The following PRICKLE2 variants were observed in gnomAD, a reference collection of about 807,000 sequenced individuals.
PRICKLE2 encodes prickle-like protein 2.
In PRICKLE2, 21 loss-of-function variants were observed where a neutral mutation model predicts 81.4. The observed-to-expected ratio is 0.26, with a 90% CI of 0.18 to 0.37. PRICKLE2 has a LOEUF of 0.37. Ranked by LOEUF, PRICKLE2 falls within the 10% of genes least tolerant of loss-of-function variation. The pLI, the probability that PRICKLE2 is intolerant of heterozygous loss-of-function variation, is 1.00. For synonymous variants in PRICKLE2, 456 were observed against 421.5 expected, an observed-to-expected ratio of 1.08 and a Z score of -1.00; for missense variants, 940 against 1,109.0, an observed-to-expected ratio of 0.85 and a Z score of 2.16.
At chr3:64,168,900 A>T (rs2077883748) in intron 2 of PRICKLE2, among the ~76,000 whole-genome samples, 1 of 152,236 alleles carries the variant, frequency 6.6e-6, no homozygotes, top group Non-Finnish European at 1.5e-5. Flanking sequence ...ACAGACAGTA[A>T]GTGAAAAATC....
intron 2 of PRICKLE2, chr3:64,164,037 C>T (rs1250401456): frequency 6.6e-6 from 1 of 151,930 alleles, no homozygotes; most frequent in Non-Finnish European, 1.5e-5. Flanking sequence ...ACAAGGCATT[C>T]ATTCAACAAA....
intron 2 of PRICKLE2, among the ~76,000 whole-genome samples, chr3:64,240,060 C>A (rs1048164898): frequency 6.6e-6 from 1 of 151,646 alleles, no homozygotes; most frequent in South Asian, 2.1e-4. Context: ...GAGGTCGAGG[C>A]TGCAGGGAGC....
chr3:64,117,448 C>T (rs2076953729), intron 7 of PRICKLE2, among the ~76,000 whole-genome samples: 1 of 152,122 alleles, frequency 6.6e-6, no homozygotes, highest in South Asian at 2.1e-4. Context: ...ATATCTAAAA[C>T]ATCCCACAGT....
chr3:64,185,892 A>G (rs2078221662), intron 2 of PRICKLE2, among the ~76,000 whole-genome samples: 1 of 152,208 alleles, frequency 6.6e-6, no homozygotes, highest in Admixed American at 6.5e-5. Flanking sequence ...AAATGTACCT[A>G]TCACCCCCAG....
In PRICKLE2 at chr3:64,258,893, G is replaced by GAAAGAAAGAAAGAAAT. The variant is rs796940955; in HGVS notation, c.129-59927_129-59926insATTTCTTTCTTTCTTT. On this transcript the variant is annotated intron_variant, in intron 2 of 8. Transcript: ENST00000295902. Reference sequence around the variant, plus strand: ...AGAAAGAAAGAAAGAAAGAAAGAAAGAAATCAGGAGAGTGGTTAGAATTAA... The same window carrying GAAAGAAAGAAAGAAAT: ...AGAAAGAAAGAAAGAAAGAAAGAAAGAAAGAAAGAAAGAAATAAATCAGGAGAGTGGTTAGAATTAA... Among the ~76,000 whole-genome samples, 198 of 140,446 alleles carry GAAAGAAAGAAAGAAAT rather than the reference G, an allele frequency of 1.4e-3. 2 individuals are homozygous for GAAAGAAAGAAAGAAAT. The highest frequency in any genetic ancestry group is 3.5e-3 in the African/African-American group (124 of 35,614). 92.1% of individuals were successfully genotyped at this position (140,446 alleles called of 152,430 possible). A position where few individuals can be genotyped will look rare whatever the true frequency, so the allele number is the denominator to read the frequency against.
chr3:64,111,336 T>C (rs1297864715), intron 7 of PRICKLE2, among the ~76,000 whole-genome samples: 2 of 152,246 alleles, frequency 1.3e-5, no homozygotes, highest in African/African-American at 4.8e-5. Flanking sequence ...TGCTGGGCAT[T>C]GTTATACAAT....
intron 1 of PRICKLE2, among the ~76,000 whole-genome samples, chr3:64,216,569 G>A (rs566599825): frequency 1.2e-4 from 18 of 152,344 alleles, no homozygotes; most frequent in African/African-American, 4.1e-4. Context: ...CATTTAGGAT[G>A]CTGCATCTTA....
intron 7 of PRICKLE2, among the ~76,000 whole-genome samples, chr3:64,133,676 C>T (rs2077232893): frequency 6.6e-6 from 1 of 152,130 alleles, no homozygotes; most frequent in Non-Finnish European, 1.5e-5. Flanking sequence ...GCTCTATTAG[C>T]ATTAATAGGG....
intron 7 of PRICKLE2, among the ~76,000 whole-genome samples, chr3:64,113,205 T>G (rs977044478): frequency 1.3e-5 from 2 of 152,142 alleles, no homozygotes; most frequent in African/African-American, 4.8e-5. Context: ...CCCAGAGGGT[T>G]TGCTGTGGGG....
rs191536088 is a variant in PRICKLE2, at chr3:64,168,010, C to A, written c.145-4881G>T. On this transcript the variant is annotated intron_variant, in intron 2 of 7. Coordinates refer to ENST00000638394, the MANE Select transcript of PRICKLE2 (RefSeq NM_198859.4). ...CACTTTCTTCAAGAGATCTAGGAAG[C>A]CCAGAAAAGGGAAGAGAACTTGTTG... Among the ~76,000 whole-genome samples the A allele has an allele frequency of 4.6e-5, 7 of 152,256 alleles. No homozygotes were observed. In the East Asian group the frequency reaches 1.4e-3, roughly 29 times the overall value.
intron 2 of PRICKLE2, among the ~76,000 whole-genome samples, chr3:64,266,445 G>A (rs2079710047): frequency 6.6e-6 from 1 of 152,154 alleles, no homozygotes; most frequent in African/African-American, 2.4e-5. Flanking sequence ...AGAGAGAGCT[G>A]GGTAGTCAGT....
chr3:64,150,795 C>A (rs1347918868), intron 6 of PRICKLE2, among the ~76,000 whole-genome samples: 1 of 152,104 alleles, frequency 6.6e-6, no homozygotes, highest in Non-Finnish European at 1.5e-5. Context: ...GGGATGGGGG[C>A]CTCATGGAAG....
intron 7 of PRICKLE2, among the ~76,000 whole-genome samples, chr3:64,141,583 G>A (rs909793659): frequency 6.6e-6 from 1 of 152,204 alleles, no homozygotes; most frequent in Admixed American, 6.5e-5. Flanking sequence ...CTTCTGCATT[G>A]CAGTGGTATA....
chr3:64,265,639 C>T (rs1302173460), intron 2 of PRICKLE2, among the ~76,000 whole-genome samples: 1 of 152,150 alleles, frequency 6.6e-6, no homozygotes, highest in South Asian at 2.1e-4. Context: ...CTTTTCATTG[C>T]CCATTTTCTA....
chr3:64,163,329 T>C (rs2077765231), intron 2 of PRICKLE2, 200 bp from the exon 3 acceptor site: 7 of 614,782 alleles, frequency 1.1e-5, no homozygotes, highest in Admixed American at 2.6e-5. Context: ...AAATCATCCA[T>C]ATCTGGGATT....
chr3:64,220,531 A>G (rs1575682302), intron 1 of PRICKLE2, among the ~76,000 whole-genome samples: 1 of 152,226 alleles, frequency 6.6e-6, no homozygotes, highest in African/African-American at 2.4e-5. Context: ...CCCAGGATAC[A>G]GCACTCAAAC....
At chr3:64,173,223 A>G (rs1388892147) in intron 2 of PRICKLE2, among the ~76,000 whole-genome samples, 1 of 152,184 alleles carries the variant, frequency 6.6e-6, no homozygotes, top group African/African-American at 2.4e-5. Flanking sequence ...TAAGTTAGGT[A>G]CTGATTTGTA....
chr3:64,265,894 G>A (rs928941517), intron 2 of PRICKLE2, among the ~76,000 whole-genome samples: 2 of 152,160 alleles, frequency 1.3e-5, no homozygotes, highest in Non-Finnish European at 2.9e-5. Context: ...TGGGGAAGTG[G>A]GCTCGATAAA....
At chr3:64,171,785 C>G (rs1400097865) in intron 2 of PRICKLE2, among the ~76,000 whole-genome samples, 1 of 152,110 alleles carries the variant, frequency 6.6e-6, no homozygotes, top group East Asian at 1.9e-4. Context: ...AAAGCATTTG[C>G]TTTTTTCACC....
Sources: gnomAD v4.1 joint callset for allele counts (sites outside exome capture counted in the v4.1 genomes callset) on GRCh38, gnomAD v4.1.1 for gene constraint, MANE v1.5 for transcripts, NCBI Gene and HGNC (gene_info 2026-07-23, HGNC 2026-07-21) for gene names.